PHLPP1: variants seen among roughly 807,000 people sequenced by gnomAD.
PHLPP1 encodes PH domain leucine-rich repeat-containing protein phosphatase 1.
A neutral mutation model predicts 117.2 loss-of-function variants in PHLPP1; 42 were observed. That is an observed-to-expected ratio of 0.36 (90% CI 0.28 to 0.46). The LOEUF (loss-of-function observed/expected upper bound fraction) is 0.46, where lower values mean the gene tolerates loss of function less well. Ranked by LOEUF, PHLPP1 falls within the 20% of genes least tolerant of loss-of-function variation. The probability of loss-of-function intolerance (pLI) is 1.00; values close to 1 mark genes in which losing one functional copy is unlikely to be tolerated. For synonymous variants in PHLPP1, 1,042 were observed against 970.7 expected (o/e 1.07, Z -1.37); for missense variants, 2,084 against 2,241.9 (o/e 0.93, Z 1.42).
intron 6 of PHLPP1, among the ~76,000 whole-genome samples, chr18:62,896,901 A>G (rs1302366339): frequency 6.6e-6 from 1 of 152,208 alleles, no homozygotes; most frequent in East Asian, 1.9e-4. Flanking sequence ...CTAGGGAAGT[A>G]TTAGCAATTT....
At chr18:62,952,616 G>A (rs1048906687) in intron 12 of PHLPP1, among the ~76,000 whole-genome samples, 2 of 152,166 alleles carry the variant, frequency 1.3e-5, no homozygotes, top group Admixed American at 6.5e-5. Flanking sequence ...ACATTTCTCA[G>A]TAATTATATA....
chr18:62,792,951 G>A (rs1655809062), intron 1 of PHLPP1, among the ~76,000 whole-genome samples: 1 of 151,534 alleles, frequency 6.6e-6, no homozygotes, highest in South Asian at 2.1e-4. Context: ...GAGGTGGGTG[G>A]ATCACCTGAG....
chr18:62,877,219 T>TATC (rs1188920350), intron 4 of PHLPP1, among the ~76,000 whole-genome samples: 1 of 152,224 alleles, frequency 6.6e-6, no homozygotes, highest in Non-Finnish European at 1.5e-5. Context: ...GTTAATTACT[T>TATC]ATCATTACCA....
At chr18:62,844,999 G>A (rs931170733) in intron 3 of PHLPP1, among the ~76,000 whole-genome samples, 14 of 152,140 alleles carry the variant, frequency 9.2e-5, no homozygotes, top group Admixed American at 7.9e-4. Flanking sequence ...TTAGGGACAC[G>A]ATGTCTAATC....
chr18:62,750,651 T>A lies in PHLPP1; in HGVS notation c.1576+33392T>A, dbSNP rs192463065. Among the ~76,000 whole-genome samples the A allele has an allele frequency of 2.0e-5, 3 of 152,248 alleles. No individual in the cohort carries two copies. The East Asian group carries it at 5.8e-4, about 29-fold the overall frequency. ...CTGATTTCCAGCTACTTGTGAGACT[T>A]GTTGCTGTTGTGGAAGGAAACACTG... On this transcript the variant is annotated intron_variant, in intron 1 of 16. Coordinates refer to ENST00000262719, the MANE Select transcript of PHLPP1 (RefSeq NM_194449.4).
intron 1 of PHLPP1, among the ~76,000 whole-genome samples, chr18:62,791,997 A>G (rs990527711): frequency 7.2e-5 from 11 of 152,168 alleles, no homozygotes; most frequent in African/African-American, 2.7e-4. Context: ...GAATAAAGAA[A>G]TAATGAAAAC....
chr18:62,849,826 A>ATATATATATATATAT (rs1371664083), intron 3 of PHLPP1, among the ~76,000 whole-genome samples: 13 of 33,792 alleles, frequency 3.8e-4, no homozygotes, highest in Non-Finnish European at 6.5e-4. Context: ...AAAAAAAAAA[A>ATATATATATATATAT]AAAAAAATAT....
intron 2 of PHLPP1, among the ~76,000 whole-genome samples, chr18:62,833,264 G>C (rs1914802697): frequency 6.6e-6 from 1 of 152,122 alleles, no homozygotes; most frequent in African/African-American, 2.4e-5. Context: ...AGTAGAGACA[G>C]GGTTTCACCG....
chr18:62,838,542 C>T (rs1027882829), intron 2 of PHLPP1: 3 of 387,814 alleles, frequency 7.7e-6, no homozygotes, highest in Non-Finnish European at 1.4e-5. Context: ...TAATTTTAAA[C>T]AGAAAGAGGA....
At chr18:62,815,013 A>G (rs184734424) in intron 1 of PHLPP1, among the ~76,000 whole-genome samples, 1 of 152,286 alleles carries the variant, frequency 6.6e-6, no homozygotes, top group East Asian at 1.9e-4. Flanking sequence ...CCAGACATTT[A>G]TCTCTGAGTC....
At chr18:62,812,894 C>CTT (rs1324866926) in intron 1 of PHLPP1, among the ~76,000 whole-genome samples, 1 of 152,118 alleles carries the variant, frequency 6.6e-6, no homozygotes, top group East Asian at 1.9e-4. Flanking sequence ...GGTCTACCAT[C>CTT]TGTTACAATG....
chr18:62,880,500 A>T (rs574809497), intron 4 of PHLPP1, among the ~76,000 whole-genome samples: 1 of 151,650 alleles, frequency 6.6e-6, no homozygotes, highest in Admixed American at 6.6e-5. Flanking sequence ...TGCCTTTTTA[A>T]GGAATTTTTT....
At position 62,900,433 on chromosome 18, in the gene PHLPP1, CTTTT is replaced by C. The variant is rs774225759; in HGVS notation, c.2445-2506_2445-2503del. Among the ~76,000 whole-genome samples the C allele has an allele frequency of 1.3e-3, 69 of 54,252 alleles. 1 individual carries two copies. The highest frequency in any genetic ancestry group is 3.1e-3 in the African/African-American group (38 of 12,300). 35.6% of individuals were successfully genotyped at this position (54,252 alleles called of 152,430 possible). A position where few individuals can be genotyped will look rare whatever the true frequency, so the allele number is the denominator to read the frequency against. The stretch of plus-strand genomic sequence containing the variant: ...GTATTCTTGTTTTTTCTTTTTCTTT[CTTTT>C]TTTTTTTTTTTTTTTTTTTTTTTTG... On this transcript the variant is annotated intron_variant, in intron 6 of 16. Coordinates refer to ENST00000262719, the MANE Select transcript of PHLPP1 (RefSeq NM_194449.4).
In PHLPP1 at chr18:62,945,328, C is replaced by G. The variant is rs1910249809; in HGVS notation, c.3324+57C>G. The G allele has an allele frequency of 2.1e-6, 3 of 1,401,310 alleles. No homozygotes were observed. In the Admixed American group the frequency reaches 6.9e-5, roughly 32 times the overall value. The allele number at this position is 1,401,310 out of a possible 1,614,324, so 86.8% of individuals were successfully genotyped here. A position where few individuals can be genotyped will look rare whatever the true frequency, so the allele number is the denominator to read the frequency against. On this transcript the variant is annotated intron_variant, in intron 12 of 16. Transcript: ENST00000262719. Reference sequence around the variant, plus strand: ...TCAGGTCGGCAAAGAAAGTTGACTTCCTAACTCATCAACTCAGGACGTTTG... The same window carrying G: ...TCAGGTCGGCAAAGAAAGTTGACTTGCTAACTCATCAACTCAGGACGTTTG...
At chr18:62,958,881 C>A in intron 13 of PHLPP1, 122 bp downstream of exon 13, 2 of 1,072,604 alleles carry the variant, frequency 1.9e-6, no homozygotes, top group South Asian at 1.6e-5. Context: ...TTAACACACA[C>A]AACAGGATAT....
intron 1 of PHLPP1, among the ~76,000 whole-genome samples, chr18:62,795,563 A>G (rs1406890472): frequency 6.6e-6 from 1 of 152,054 alleles, no homozygotes; most frequent in African/African-American, 2.4e-5. Context: ...TCACTCAGAA[A>G]CAAACCATAA....
At chr18:62,882,321 T>C (rs1246351684) in intron 4 of PHLPP1, among the ~76,000 whole-genome samples, 1 of 151,492 alleles carries the variant, frequency 6.6e-6, no homozygotes, top group Admixed American at 6.6e-5. Context: ...CAGGCTGGAG[T>C]GCAGTGGCGT....
intron 14 of PHLPP1, among the ~76,000 whole-genome samples, chr18:62,967,634 T>A (rs527590569): frequency 4.9e-4 from 75 of 152,302 alleles, no homozygotes; most frequent in Admixed American, 9.2e-4. Flanking sequence ...GATTTTATAA[T>A]GAAATCTTAG....
intron 10 of PHLPP1, among the ~76,000 whole-genome samples, chr18:62,932,525 T>C (rs1909846038): frequency 6.6e-6 from 1 of 152,174 alleles, no homozygotes; most frequent in South Asian, 2.1e-4. Context: ...ATCTGTATCA[T>C]CTCAATAGAT....
Sources: gnomAD v4.1 joint callset for allele counts (sites outside exome capture counted in the v4.1 genomes callset) on GRCh38, gnomAD v4.1.1 for gene constraint, MANE v1.5 for transcripts, NCBI Gene and HGNC (gene_info 2026-07-23, HGNC 2026-07-21) for gene names.